The following ACTR5 variants were observed in gnomAD, a reference collection of about 807,000 sequenced individuals.
ACTR5 encodes actin-related protein 5.
A neutral mutation model predicts 61.2 loss-of-function variants in ACTR5; 43 were observed. That is an observed-to-expected ratio of 0.70 (90% CI 0.55 to 0.91). The LOEUF (loss-of-function observed/expected upper bound fraction) is 0.91, where lower values mean the gene tolerates loss of function less well. Among genes scored for constraint, ACTR5 ranks in the 40% least tolerant of loss-of-function variants. The pLI, the probability that ACTR5 is intolerant of heterozygous loss-of-function variation, is 0.00. For synonymous variants in ACTR5, 333 were observed against 310.5 expected (o/e 1.07, Z -0.76); for missense variants, 798 against 782.2 (o/e 1.02, Z -0.24).
chr20:38,754,608 A>G (rs1473455735), intron 3 of ACTR5, among the ~76,000 whole-genome samples: 3 of 151,922 alleles, frequency 2.0e-5, no homozygotes, highest in African/African-American at 4.8e-5. Context: ...AGTCCCAGCT[A>G]CTCAGGAGGC....
rs796407173 is a variant in ACTR5, at chr20:38,771,510, C to A, written c.1567-49C>A. On this transcript the variant is annotated intron_variant, in intron 8 of 8. Coordinates refer to ENST00000243903, the MANE Select transcript of ACTR5 (RefSeq NM_024855.4). ...GCTGTAGCTGAGCCAGGTCAACATT[C>A]ACTCCTGGAGCCCTGGTGGAGGTGT... The A allele has an allele frequency of 1.6e-5, 25 of 1,576,020 alleles. No homozygotes were observed. The African/African-American group carries it at 3.1e-4, about 20-fold the overall frequency.
chr20:38,757,074 C>T (rs1004184429), intron 5 of ACTR5, among the ~76,000 whole-genome samples: 1 of 151,908 alleles, frequency 6.6e-6, no homozygotes, highest in South Asian at 2.1e-4. Flanking sequence ...TACAGGTGAA[C>T]GCCAGCATGC....
intron 5 of ACTR5, among the ~76,000 whole-genome samples, chr20:38,764,752 C>T (rs1486539986): frequency 1.3e-5 from 2 of 152,156 alleles, no homozygotes; most frequent in Non-Finnish European, 2.9e-5. Flanking sequence ...CTCACTGTAG[C>T]CTCAACCTCC....
chr20:38,766,620 CTT>C (rs2084488511), intron 7 of ACTR5, among the ~76,000 whole-genome samples: 1 of 152,150 alleles, frequency 6.6e-6, no homozygotes, highest in African/African-American at 2.4e-5. Context: ...TTAAGAGTGT[CTT>C]TTAAGTTTGA....
chr20:38,762,642 C>T (rs529387278), intron 5 of ACTR5, among the ~76,000 whole-genome samples: 1 of 152,276 alleles, frequency 6.6e-6, no homozygotes, highest in South Asian at 2.1e-4. Context: ...TTGGGTGTAA[C>T]AGAAGCAGAT....
At position 38,766,316 on chromosome 20, in the gene ACTR5, C is replaced by A. The variant is rs757184672; in HGVS notation, c.1372C>A (p.Pro458Thr). The change falls in exon 7 of 9, where the codon CCA becomes ACA. Residue 458 changes from proline to threonine, a missense_variant. By Grantham distance (38) the Pro-to-Thr change is conservative. Coordinates refer to ENST00000243903, the MANE Select transcript of ACTR5 (RefSeq NM_024855.4). ...TCGAGCTCCAGAGATTATTTTCCAGCCATCTCTCATAGGAGAAGAACAGGC... is the reference window on the plus strand; with the variant it reads ...TCGAGCTCCAGAGATTATTTTCCAGACATCTCTCATAGGAGAAGAACAGGC... ...RIRAPEIIFQPSLIGEEQAGI... is the reference protein window; with the variant it reads ...RIRAPEIIFQTSLIGEEQAGI... The A allele has an allele frequency of 1.9e-6, 3 of 1,614,100 alleles. No homozygotes were observed. The East Asian group carries it at 6.7e-5, about 36-fold the overall frequency.
intron 3 of ACTR5, 81 bp from the exon 4 acceptor site, chr20:38,754,876 C>T: frequency 2.1e-6 from 3 of 1,455,688 alleles, no homozygotes; most frequent in Non-Finnish European, 2.9e-6. Flanking sequence ...GGCGTGAGCC[C>T]CTGCGCCCAG....
At chr20:38,771,114 T>G (rs983373706) in intron 8 of ACTR5, among the ~76,000 whole-genome samples, 3 of 152,232 alleles carry the variant, frequency 2.0e-5, no homozygotes, top group Non-Finnish European at 4.4e-5. Flanking sequence ...CACCCCTCTC[T>G]GCTGCCATTT....
intron 1 of ACTR5, 103 bp from the exon 2 acceptor site, chr20:38,749,907 C>A: frequency 1.0e-6 from 1 of 995,356 alleles, no homozygotes; most frequent in Non-Finnish European, 1.5e-6. Flanking sequence ...GATTAAGAAG[C>A]CAAAAGCAAA....
rs1052187585 is a variant in ACTR5, at chr20:38,772,137, G to A, written c.*321G>A. 6.6e-6 allele frequency: 2 copies of A among 303,806 alleles called. No homozygotes were observed. Among genetic ancestry groups the A allele is most frequent in the Non-Finnish European group, 6.1e-6 (1 of 163,180 alleles). 18.8% of individuals were successfully genotyped at this position (303,806 alleles called of 1,614,324 possible). On this transcript the variant is annotated 3_prime_UTR_variant, in exon 9 of 9. Transcript: ENST00000243903. ...ACAAATGTACAAAATGCACAAGACT[G>A]ATTTCTTACCACATTTTAGTCTTTC...
At chr20:38,762,120 C>G (rs1346742341) in intron 5 of ACTR5, among the ~76,000 whole-genome samples, 1 of 152,162 alleles carries the variant, frequency 6.6e-6, no homozygotes, top group Non-Finnish European at 1.5e-5. Context: ...TTGCCTGGAG[C>G]CACTGCTGGG....
intron 2 of ACTR5, among the ~76,000 whole-genome samples, chr20:38,751,585 TC>T (rs1380320583): frequency 1.3e-5 from 2 of 152,224 alleles, no homozygotes; most frequent in African/African-American, 2.4e-5. Context: ...TACAGTAAGT[TC>T]CTAGTGCTCT....
rs748139042 is a variant in ACTR5 at position 38,765,466 on chromosome 20, C to T, written c.1241C>T (p.Pro414Leu). The part of the protein sequence containing the change: ...EDVESMNDFD[P>L]LFSEETPGVE... ...GTGGAAAGCATGAATGATTTTGATC[C>T]CTTGTTTTCAGAGGAAACACCTGGA... Residue 414 changes from proline to leucine, a missense_variant, in exon 6 of 9, where the codon CCC becomes CTC. Transcript: ENST00000243903. 6.8e-6 allele frequency: 11 copies of T among 1,614,134 alleles called. No individual in the cohort carries two copies. In the South Asian group the frequency reaches 1.2e-4, roughly 18 times the overall value.
At chr20:38,768,532 G>C (rs2145678119) in intron 8 of ACTR5, among the ~76,000 whole-genome samples, 1 of 152,314 alleles carries the variant, frequency 6.6e-6, no homozygotes, top group Middle Eastern at 3.4e-3. Flanking sequence ...CCTTGTAAAA[G>C]CACATTAAGT....
intron 5 of ACTR5, among the ~76,000 whole-genome samples, chr20:38,759,175 A>G (rs763243240): frequency 2.0e-5 from 3 of 152,360 alleles, no homozygotes; most frequent in Non-Finnish European, 4.4e-5. Flanking sequence ...CCAAATATAG[A>G]AAGTTCTCCG....
chr20:38,755,191 G>T lies in ACTR5; in HGVS notation c.993+17G>T. 1 of 1,572,142 alleles carries T rather than the reference G, an allele frequency of 6.4e-7. No individual in the cohort carries two copies. The highest frequency in any genetic ancestry group is 8.6e-7 in the Non-Finnish European group (1 of 1,159,122). Reference sequence around the variant, plus strand: ...TATGTGCAGGTAATAGCAGACACAGGGACGGGCGCCCTTCCGTGTTAACAA... The same window carrying T: ...TATGTGCAGGTAATAGCAGACACAGTGACGGGCGCCCTTCCGTGTTAACAA... On this transcript the variant is annotated intron_variant, in intron 4 of 8. Coordinates refer to ENST00000243903, the MANE Select transcript of ACTR5 (RefSeq NM_024855.4).
At position 38,771,962 on chromosome 20, in the gene ACTR5, G is replaced by A. The variant is rs1187322517; in HGVS notation, c.*146G>A. On this transcript the variant is annotated 3_prime_UTR_variant, in exon 9 of 9. Transcript: ENST00000243903. The stretch of plus-strand genomic sequence containing the variant: ...ATGGATTTCTCCTGGGGAGAACAAA[G>A]TTAAGGGACACTGAGACCTGCCCTT... 1 of 1,188,442 alleles carries A rather than the reference G, an allele frequency of 8.4e-7. No homozygotes were observed. Among genetic ancestry groups the A allele is most frequent in the African/African-American group, 1.5e-5 (1 of 65,042 alleles). 73.6% of individuals were successfully genotyped at this position (1,188,442 alleles called of 1,614,324 possible).
chr20:38,765,278 C>T, intron 5 of ACTR5, 124 bp from the exon 6 acceptor site: 1 of 701,920 alleles, frequency 1.4e-6, no homozygotes, highest in Non-Finnish European at 2.4e-6. Flanking sequence ...GAAAAATTTT[C>T]ATAGTTTTTA....
chr20:38,769,319 GAA>G (rs1379807569), intron 8 of ACTR5, among the ~76,000 whole-genome samples: 1 of 152,148 alleles, frequency 6.6e-6, no homozygotes, highest in Non-Finnish European at 1.5e-5. Flanking sequence ...ACTGTCTTGT[GAA>G]AAGTGTCCCA....
Sources: gnomAD v4.1 joint callset for allele counts (sites outside exome capture counted in the v4.1 genomes callset) on GRCh38, gnomAD v4.1.1 for gene constraint, MANE v1.5 for transcripts, NCBI Gene and HGNC (gene_info 2026-07-23, HGNC 2026-07-21) for gene names.